Variants in P3H2 observed in about 807,000 individuals in gnomAD.
The protein encoded by P3H2 is leprecan-like 1.
P3H2 carries 80 observed loss-of-function variants against 87.0 expected under a neutral mutation model. The observed-to-expected ratio is 0.92, with a 90% CI of 0.77 to 1.11. The LOEUF is 1.11. Ranked by LOEUF, P3H2 falls within the 50% of genes least tolerant of loss-of-function variation. P3H2 has a pLI of 0.00. For missense variants in P3H2, 1,001 were observed against 923.9 expected, an observed-to-expected ratio of 1.08 and a Z score of -1.08; for synonymous variants, 367 against 359.3, an observed-to-expected ratio of 1.02 and a Z score of -0.24.
rs1324960230 is a variant in P3H2 at position 190,020,661 on chromosome 3, C to T, written c.481-25219G>A. Among the ~76,000 whole-genome samples, 13 of 133,494 alleles carry T rather than the reference C, an allele frequency of 9.7e-5. 4 individuals carry two copies. In the Admixed American group the frequency reaches 1.0e-3, roughly 10 times the overall value. The allele number at this position is 133,494 out of a possible 152,430, so 87.6% of individuals were successfully genotyped here. A position where few individuals can be genotyped will look rare whatever the true frequency, so the allele number is the denominator to read the frequency against. ...AAAGTTAAATAGGGTCACAGTTTAGCGTGGGTCTCTAGGGTGAAGCCCATC... is the reference window on the plus strand; with the variant it reads ...AAAGTTAAATAGGGTCACAGTTTAGTGTGGGTCTCTAGGGTGAAGCCCATC... On this transcript the variant is annotated intron_variant, in intron 1 of 14. Transcript: ENST00000319332.
chr3:190,107,808 TAC>T (rs1711905483), intron 1 of P3H2, among the ~76,000 whole-genome samples: 1 of 152,232 alleles, frequency 6.6e-6, no homozygotes, highest in Admixed American at 6.5e-5. Context: ...CTCAGAATAG[TAC>T]AGATTCTTTT....
chr3:190,052,085 A>G (rs1726000084), intron 1 of P3H2, among the ~76,000 whole-genome samples: 1 of 152,180 alleles, frequency 6.6e-6, no homozygotes, highest in Non-Finnish European at 1.5e-5. Context: ...TTTTAAAATA[A>G]ATTTTACTTT....
At chr3:190,104,215 C>A (rs537942065) in intron 1 of P3H2, among the ~76,000 whole-genome samples, 4 of 152,124 alleles carry the variant, frequency 2.6e-5, no homozygotes, top group Non-Finnish European at 5.9e-5. Context: ...CATGCTCTCT[C>A]TAGTCAAAGG....
intron 10 of P3H2, among the ~76,000 whole-genome samples, chr3:189,973,597 C>T (rs572938196): frequency 4.8e-5 from 7 of 146,616 alleles, no homozygotes; most frequent in Admixed American, 2.1e-4. Context: ...GATCTCGGCT[C>T]ACCGCAACCT....
intron 1 of P3H2, among the ~76,000 whole-genome samples, chr3:190,112,493 T>C (rs1030314486): frequency 6.6e-6 from 1 of 151,166 alleles, no homozygotes; most frequent in Non-Finnish European, 1.5e-5. Flanking sequence ...TTTATTTTAA[T>C]ACAGCTAGAA....
intron 1 of P3H2, among the ~76,000 whole-genome samples, chr3:190,000,733 G>C (rs1724185281): frequency 6.6e-6 from 1 of 152,228 alleles, no homozygotes; most frequent in African/African-American, 2.4e-5. Context: ...TGTTTTCAAA[G>C]CAGAGCAGAG....
intron 1 of P3H2, among the ~76,000 whole-genome samples, chr3:190,050,767 A>G (rs1725957328): frequency 6.6e-6 from 1 of 152,176 alleles, no homozygotes; most frequent in Non-Finnish European, 1.5e-5. Flanking sequence ...TCTCTTATAA[A>G]GTTATAATAT....
At chr3:190,076,881 T>C (rs1442665556) in intron 1 of P3H2, among the ~76,000 whole-genome samples, 1 of 152,208 alleles carries the variant, frequency 6.6e-6, no homozygotes, top group Non-Finnish European at 1.5e-5. Context: ...GTAACTCTGA[T>C]GACAAGCAAG....
At chr3:189,994,308 ACAAACAAAC>A in intron 2 of P3H2, 25 bp from the exon 3 acceptor site, 11 of 1,423,096 alleles carry the variant, frequency 7.7e-6, no homozygotes, top group South Asian at 2.4e-5. Flanking sequence ...ACGGGAAAAA[ACAAACAAAC>A]AAACAAACAA....
intron 1 of P3H2, among the ~76,000 whole-genome samples, chr3:190,024,411 C>T (rs28608169): frequency 0.29 from 43,083 of 150,806 alleles, 6,632 homozygotes; most frequent in East Asian, 0.44. Flanking sequence ...GGCGCGGTGG[C>T]GCATGCCTGT....
rs182040478 is a variant in P3H2 at position 190,034,460 on chromosome 3, A to T, written c.481-39018T>A. ...TTGCACAGTTTCAGATATGTAAAAA[A>T]CATAGGAAAATAATAACATACTCTC... On this transcript the variant is annotated intron_variant, in intron 1 of 14. Transcript: ENST00000319332. Among the ~76,000 whole-genome samples, 251 of 152,386 alleles carry T rather than the reference A, an allele frequency of 1.6e-3. 4 individuals are homozygous for T. The highest frequency in any genetic ancestry group is 2.5e-4 in the Non-Finnish European group (17 of 68,036).
At chr3:190,019,251 T>A (rs566713959) in intron 1 of P3H2, among the ~76,000 whole-genome samples, 1 of 152,322 alleles carries the variant, frequency 6.6e-6, no homozygotes, top group Non-Finnish European at 1.5e-5. Context: ...AGATTAAGGA[T>A]GCTGATGTTA....
chr3:189,996,999 G>A (rs1387418743), intron 1 of P3H2, among the ~76,000 whole-genome samples: 2 of 152,130 alleles, frequency 1.3e-5, no homozygotes, highest in Non-Finnish European at 2.9e-5. Flanking sequence ...TTAAAAAATG[G>A]AATTAATTTA....
intron 13 of P3H2, chr3:189,969,465 T>C (rs1723104957): frequency 1.1e-6 from 1 of 902,834 alleles, no homozygotes; most frequent in African/African-American, 1.6e-5. Flanking sequence ...CACACTCCTC[T>C]AGCACAACAA....
At chr3:190,041,762 T>C (rs2108955276) in intron 1 of P3H2, among the ~76,000 whole-genome samples, 1 of 152,316 alleles carries the variant, frequency 6.6e-6, no homozygotes, top group African/African-American at 2.4e-5. Context: ...AAATTTTTAA[T>C]TTTTTACACA....
At chr3:189,990,338 T>G (rs1250698753) in intron 3 of P3H2, among the ~76,000 whole-genome samples, 1 of 152,208 alleles carries the variant, frequency 6.6e-6, no homozygotes, top group African/African-American at 2.4e-5. Flanking sequence ...CTGTTTCATT[T>G]CTTAAGAAAA....
Position 189,974,552 on chromosome 3 carries a change from C to T in P3H2, c.1452+6G>A. The T allele has an allele frequency of 6.2e-7, 1 of 1,613,470 alleles. No homozygotes were observed. The highest frequency in any genetic ancestry group is 8.5e-7 in the Non-Finnish European group (1 of 1,180,024). On this transcript the variant is annotated splice_donor_region_variant and intron_variant, in intron 9 of 14. Coordinates refer to ENST00000319332, the MANE Select transcript of P3H2 (RefSeq NM_018192.4). ...AGTGAGCTCCCCTCCTTCTCCGGAT[C>T]CTCACACTGGCCACGCTGTGGAGCT... is the stretch of plus-strand genomic sequence containing the variant.
intron 1 of P3H2, among the ~76,000 whole-genome samples, chr3:190,045,982 C>G (rs989321875): frequency 2.0e-4 from 31 of 152,116 alleles, no homozygotes; most frequent in Admixed American, 1.0e-3. Flanking sequence ...AATTAGCCAG[C>G]CGTGGTGGCG....
chr3:190,007,969 T>C (rs183761658), intron 1 of P3H2, among the ~76,000 whole-genome samples: 1,172 of 25,906 alleles, frequency 0.045, 82 homozygotes, highest in Non-Finnish European at 0.041. Flanking sequence ...GACACACATA[T>C]ATATATATAT....
Sources: allele counts gnomAD v4.1 joint callset (sites outside exome capture counted in the v4.1 genomes callset), GRCh38; gene constraint gnomAD v4.1.1; transcripts MANE v1.5; gene names NCBI Gene and HGNC (gene_info 2026-07-23, HGNC 2026-07-21).